Variants in CRACD observed in about 807,000 individuals in gnomAD.
CRACD encodes capping protein inhibiting regulator of actin dynamics, also known as capping protein-inhibiting regulator of actin dynamics.
A neutral mutation model predicts 106.8 loss-of-function variants in CRACD; 56 were observed. That is an observed-to-expected ratio of 0.52 (90% confidence interval 0.42 to 0.66). The LOEUF (loss-of-function observed/expected upper bound fraction) is 0.66. CRACD is among the 30% of genes least tolerant of loss of function. The pLI is 0.00. For missense variants in CRACD, 1,730 were observed against 1,623.2 expected (o/e 1.07, Z -1.13); for synonymous variants, 754 against 670.8 (o/e 1.12, Z -1.92).
rs35574683 is a variant in CRACD, at chr4:56,172,020, C to CTTTTTTTTTTTTTTT, written c.-335-7263_-335-7249dup. ...GTGGAGGTATCTTTTGAGGGTTTCTCTTTTTTTTTTTTTTTCAACTTTACA... is the reference window on the plus strand; with the variant it reads ...GTGGAGGTATCTTTTGAGGGTTTCTCTTTTTTTTTTTTTTTTTTTTTTTTTTTTTTCAACTTTACA... On this transcript the variant is annotated intron_variant, in intron 1 of 10. Transcript: ENST00000682029. 2.4e-3 allele frequency among the ~76,000 whole-genome samples: 258 copies of CTTTTTTTTTTTTTTT among 106,338 alleles called. 19 individuals carry two copies. The highest frequency in any genetic ancestry group is 6.4e-3 in the African/African-American group (182 of 28,346). The allele number at this position is 106,338 out of a possible 152,430, so 69.8% of individuals were successfully genotyped here. A position where few individuals can be genotyped will look rare whatever the true frequency, so the allele number is the denominator to read the frequency against.
intron 10 of CRACD, among the ~76,000 whole-genome samples, chr4:56,324,848 G>C (rs947138516): frequency 6.6e-6 from 1 of 152,148 alleles, no homozygotes; most frequent in Admixed American, 6.5e-5. Context: ...GAGCTGAAAC[G>C]TTTGCTCAGG....
chr4:56,281,802 T>C (rs1207530541), intron 3 of CRACD, among the ~76,000 whole-genome samples: 4 of 152,104 alleles, frequency 2.6e-5, no homozygotes, highest in Non-Finnish European at 5.9e-5. Context: ...AGTTAGAAGA[T>C]CGTTTGTCTT....
chr4:56,308,657 G>A, intron 5 of CRACD: 1 of 610,092 alleles, frequency 1.6e-6, no homozygotes, highest in Non-Finnish European at 2.1e-6. Flanking sequence ...AGGAAGGGAT[G>A]TGAAAAAGGA....
rs778638578 is a variant in CRACD, at chr4:56,315,484, G to A, written c.1982G>A (p.Ser661Asn). ...KAKPRQESPS[S>N]ASALAEWASI... ...AAGCCCCGCCAGGAGTCTCCCAGCA[G>A]CGCGTCCGCACTCGCAGAATGGGCT... Residue 661 changes from serine (S) to asparagine (N), a missense_variant, in exon 8 of 11, where the codon AGC (serine) becomes AAC (asparagine). Ser to Asn is a conservative substitution (Grantham distance 46, BLOSUM62 1). Around this residue, in one of 5 missense-constraint regions of CRACD, gnomAD observed 1,620 missense variants for 1,481.6 expected, o/e 1.09. Transcript: ENST00000682029. The surrounding 1 kb of genome is among the most constrained non-coding windows in gnomAD (Gnocchi z 4.1). 2 of 1,613,260 alleles carry A rather than the reference G, an allele frequency of 1.2e-6. No individual in the cohort carries two copies. Among genetic ancestry groups the A allele is most frequent in the Admixed American group, 3.3e-5 (2 of 60,034 alleles).
chr4:56,199,689 AAAAAGAAAAG>A lies in CRACD; in HGVS notation c.-189+20264_-189+20273del, dbSNP rs1378132546. Among the ~76,000 whole-genome samples, 36 of 147,430 alleles carry A rather than the reference AAAAAGAAAAG, an allele frequency of 2.4e-4. 1 individual carries two copies. The highest frequency in any genetic ancestry group is 7.9e-4 in the African/African-American group (31 of 39,014). ...AGAGCGAAACTCCGTCTCAAAAAAAAAAAAGAAAAGAAAAAAAAAGAAAAAGAGAACCTAA... is the reference window on the plus strand; with the variant it reads ...AGAGCGAAACTCCGTCTCAAAAAAAAAAAAAAAAAGAAAAAGAGAACCTAA... On this transcript the variant is annotated intron_variant, in intron 2 of 10. Coordinates refer to ENST00000682029, the MANE Select transcript of CRACD (RefSeq NM_001393381.1).
chr4:56,114,226 A>G (rs963272453), intron 1 of CRACD, among the ~76,000 whole-genome samples: 28 of 151,176 alleles, frequency 1.9e-4, no homozygotes, highest in African/African-American at 3.9e-4. Context: ...GGTGCTATAT[A>G]CACACCTATT....
intron 4 of CRACD, among the ~76,000 whole-genome samples, chr4:56,302,905 C>T (rs569378526): frequency 4.9e-4 from 75 of 152,222 alleles, no homozygotes; most frequent in Middle Eastern, 3.4e-3. Flanking sequence ...CAAAATGGTC[C>T]AATTTGAATG....
intron 2 of CRACD, among the ~76,000 whole-genome samples, chr4:56,188,763 A>C (rs1737217823): frequency 2.1e-5 from 3 of 145,102 alleles, no homozygotes; most frequent in African/African-American, 7.7e-5. Context: ...CTGGCTTATA[A>C]TTTTTGGTAA....
intron 1 of CRACD, among the ~76,000 whole-genome samples, chr4:56,083,394 TC>T (rs919510581): frequency 3.9e-5 from 6 of 152,180 alleles, no homozygotes; most frequent in Non-Finnish European, 7.3e-5. Context: ...TGGTTATTTC[TC>T]CTAAATGAAA....
At chr4:56,118,140 T>C (rs10002513) in intron 1 of CRACD, among the ~76,000 whole-genome samples, 6,949 of 152,284 alleles carry the variant, frequency 0.046, 199 homozygotes, top group South Asian at 0.065. Flanking sequence ...CTTTTATCAC[T>C]AATGACAGAG....
intron 1 of CRACD, among the ~76,000 whole-genome samples, chr4:56,135,036 C>T (rs536582506): frequency 8.6e-4 from 131 of 152,170 alleles, no homozygotes; most frequent in African/African-American, 3.0e-3. Context: ...GTAATCCCAG[C>T]TCTTTGGGAG....
intron 1 of CRACD, among the ~76,000 whole-genome samples, chr4:56,142,301 C>G (rs1271880676): frequency 1.3e-5 from 2 of 152,084 alleles, no homozygotes; most frequent in South Asian, 2.1e-4. Context: ...CATGGTTATG[C>G]CATAATTTAA....
intron 8 of CRACD, among the ~76,000 whole-genome samples, chr4:56,320,502 C>T (rs555085340): frequency 6.6e-6 from 1 of 152,320 alleles, no homozygotes; most frequent in Admixed American, 6.5e-5. Context: ...GATTTCAACA[C>T]TAGTCATCCT....
intron 2 of CRACD, among the ~76,000 whole-genome samples, chr4:56,224,301 C>T (rs1739188710): frequency 6.6e-6 from 1 of 152,046 alleles, no homozygotes; most frequent in South Asian, 2.1e-4. Flanking sequence ...CATGTATCAC[C>T]TTCACATTTC....
chr4:56,098,692 C>T (rs56105986), intron 1 of CRACD, among the ~76,000 whole-genome samples: 14,644 of 152,082 alleles, frequency 0.096, 756 homozygotes, highest in East Asian at 0.19. Flanking sequence ...AAACTTGGTG[C>T]AATCTATTCT....
intron 1 of CRACD, among the ~76,000 whole-genome samples, chr4:56,172,952 C>T (rs1736434782): frequency 6.6e-6 from 1 of 152,152 alleles, no homozygotes; most frequent in African/African-American, 2.4e-5. Context: ...GACGAGGTTT[C>T]TCCATGTTGG....
Position 56,292,398 on chromosome 4 carries a change from A to G in CRACD, c.-16-5816A>G, listed in dbSNP as rs77121773. 7.3e-3 allele frequency among the ~76,000 whole-genome samples: 1,119 copies of G among 152,332 alleles called. 1 individual carries two copies. Among genetic ancestry groups the G allele is most frequent in the Non-Finnish European group, 0.013 (861 of 68,018 alleles). The stretch of plus-strand genomic sequence containing the variant: ...GCAAAACAGAAGTAGTCTGAGCCTT[A>G]CAAAGATTTCTAACCAGCCATGAAT... On this transcript the variant is annotated intron_variant, in intron 3 of 10. Coordinates refer to ENST00000682029, the MANE Select transcript of CRACD (RefSeq NM_001393381.1).
At chr4:56,064,913 A>C (rs1732408332) in intron 1 of CRACD, among the ~76,000 whole-genome samples, 1 of 152,038 alleles carries the variant, frequency 6.6e-6, no homozygotes, top group Non-Finnish European at 1.5e-5. Flanking sequence ...CGGGTCCCAA[A>C]TGTCTGCAGT....
intron 3 of CRACD, among the ~76,000 whole-genome samples, chr4:56,284,185 G>A (rs1167233839): frequency 2.0e-5 from 3 of 149,646 alleles, no homozygotes; most frequent in East Asian, 4.0e-4. Flanking sequence ...GGGGCACAGC[G>A]GCTCATACCT....
Sources: gnomAD v4.1 joint callset for allele counts (sites outside exome capture counted in the v4.1 genomes callset) on GRCh38, gnomAD v4.1.1 for gene constraint, gnomAD v4.1.1 regional missense constraint, Gnocchi (gnomAD v3.1) non-coding constraint, MANE v1.5 for transcripts, NCBI Gene and HGNC (gene_info 2026-07-23, HGNC 2026-07-21) for gene names.